DENND2B: variants seen among roughly 807,000 people sequenced by gnomAD.
DENND2B encodes DENN domain containing 2B.
A neutral mutation model predicts 116.0 loss-of-function variants in DENND2B; 32 were observed. That is an observed-to-expected ratio of 0.28 (90% confidence interval 0.21 to 0.37). The LOEUF (loss-of-function observed/expected upper bound fraction) is 0.37, where lower values mean the gene tolerates loss of function less well. Ranked by LOEUF, DENND2B falls within the 10% of genes least tolerant of loss-of-function variation. DENND2B has a pLI of 1.00. For missense variants in DENND2B, 1,276 were observed against 1,477.7 expected, an observed-to-expected ratio of 0.86 and a Z score of 2.24; for synonymous variants, 588 against 583.9, an observed-to-expected ratio of 1.01 and a Z score of -0.10.
chr11:8,897,332 A>G (rs1225251919), intron 1 of DENND2B, among the ~76,000 whole-genome samples: 1 of 152,170 alleles, frequency 6.6e-6, no homozygotes, highest in African/African-American at 2.4e-5. Context: ...AAATCAAACT[A>G]TTGAACCTTG....
chr11:8,897,867 C>T (rs1345415317), intron 1 of DENND2B, among the ~76,000 whole-genome samples: 1 of 152,132 alleles, frequency 6.6e-6, no homozygotes, highest in Non-Finnish European at 1.5e-5. Flanking sequence ...CTCACTATAA[C>T]CTTGAACTCC....
intron 1 of DENND2B, among the ~76,000 whole-genome samples, chr11:8,906,434 C>T (rs1202695056): frequency 2.0e-5 from 3 of 148,022 alleles, no homozygotes; most frequent in Admixed American, 6.8e-5. Context: ...CTCCTGGCCT[C>T]GTGATCTGCC....
chr11:8,694,256 G>T, intron 19 of DENND2B, 126 bp from the exon 20 acceptor site: 1 of 1,122,422 alleles, frequency 8.9e-7, no homozygotes, highest in Non-Finnish European at 1.3e-6. Flanking sequence ...GATTATAACT[G>T]TGATCTGATC....
At position 8,730,404 on chromosome 11, in the gene DENND2B, G is replaced by A. The variant is rs770815589; in HGVS notation, c.886C>T (p.Pro296Ser). The A allele has an allele frequency of 5.0e-6, 8 of 1,606,626 alleles. No individual in the cohort carries two copies. Among genetic ancestry groups the A allele is most frequent in the South Asian group, 1.1e-5 (1 of 91,080 alleles). The change falls in exon 3 of 20, where the codon CCG (proline) becomes TCG (serine). Residue 296 changes from proline (P) to serine (S), a missense_variant. Physicochemically the swap from Pro to Ser is moderately conservative, Grantham distance 74. Transcript: ENST00000313726. This position sits in a 1 kb window ranked among gnomAD's most constrained non-coding sequence, Gnocchi z 4.1. Reference sequence around the variant, plus strand: ...GGGAGCTGGGGGAGCCCCCGGCCCGGCTGCTCCTTCAGGACCTGTTCAATT... The same window carrying A: ...GGGAGCTGGGGGAGCCCCCGGCCCGACTGCTCCTTCAGGACCTGTTCAATT... Reference protein sequence around the residue: ...QKIEQVLKEQPGRGLPQLPSS... With the variant: ...QKIEQVLKEQSGRGLPQLPSS...
rs528217652 is a variant in DENND2B at position 8,718,944 on chromosome 11, C to T, written c.1478-1052G>A. On this transcript the variant is annotated intron_variant, in intron 4 of 19. Coordinates refer to ENST00000313726, the MANE Select transcript of DENND2B (RefSeq NM_213618.2). ...GGCAGAATCCGTGGGGTGAACAGGT[C>T]CCTGGGGAACTCAGAACACAGCCCT... 1.9e-5 allele frequency: 19 copies of T among 988,382 alleles called. No individual in the cohort carries two copies. In the Admixed American group the frequency reaches 2.3e-4, roughly 12 times the overall value. The allele number at this position is 988,382 out of a possible 1,614,324, so 61.2% of individuals were successfully genotyped here.
chr11:8,773,810 T>C (rs2057273118), intron 1 of DENND2B, among the ~76,000 whole-genome samples: 1 of 152,102 alleles, frequency 6.6e-6, no homozygotes, highest in African/African-American at 2.4e-5. Context: ...AAAAAAAAAT[T>C]AATGGCTTGC....
At chr11:8,830,384 TA>T (rs1466453016) in intron 4 of DENND2B, among the ~76,000 whole-genome samples, 1 of 152,252 alleles carries the variant, frequency 6.6e-6, no homozygotes, top group Non-Finnish European at 1.5e-5. Flanking sequence ...TTCTGAACTA[TA>T]AATGTATCCA....
intron 1 of DENND2B, among the ~76,000 whole-genome samples, chr11:8,909,292 AG>A: frequency 6.6e-6 from 1 of 152,342 alleles, no homozygotes; most frequent in South Asian, 2.1e-4. Flanking sequence ...TGAGCCCAGG[AG>A]GTCGAGGCTG....
At chr11:8,811,240 T>C (rs754491255), upstream of DENND2B, 12 of 398,490 alleles carry the variant, frequency 3.0e-5, no homozygotes, top group Non-Finnish European at 5.3e-5. Context: ...CTGGCCTCTC[T>C]GCTTACCTTG....
At chr11:8,743,893 T>C (rs1394139669) in intron 2 of DENND2B, among the ~76,000 whole-genome samples, 2 of 151,848 alleles carry the variant, frequency 1.3e-5, no homozygotes, top group East Asian at 1.9e-4. Flanking sequence ...ACTACAGGTA[T>C]GCACTACCAT....
intron 3 of DENND2B, among the ~76,000 whole-genome samples, chr11:8,843,565 C>T (rs1016242141): frequency 6.6e-6 from 1 of 152,210 alleles, no homozygotes; most frequent in African/African-American, 2.4e-5. Flanking sequence ...AGGGGTCATT[C>T]TTGGCCTCAC....
intron 4 of DENND2B, among the ~76,000 whole-genome samples, chr11:8,821,005 C>T (rs1224306680): frequency 6.6e-6 from 1 of 151,854 alleles, no homozygotes; most frequent in Middle Eastern, 3.4e-3. Context: ...GCCTTAATTC[C>T]AGCTACTTAG....
intron 1 of DENND2B, among the ~76,000 whole-genome samples, chr11:8,766,094 A>T (rs1414882615): frequency 1.4e-5 from 2 of 143,696 alleles, no homozygotes; most frequent in African/African-American, 5.2e-5. Context: ...TGGACACTGT[A>T]AAAAAAAAAA....
chr11:8,908,021 G>A (rs1029110193), intron 1 of DENND2B, among the ~76,000 whole-genome samples: 1 of 152,192 alleles, frequency 6.6e-6, no homozygotes, highest in African/African-American at 2.4e-5. Flanking sequence ...TGGGCTAACA[G>A]AAGTCTATTT....
chr11:8,901,051 C>A (rs1390027017), intron 1 of DENND2B, among the ~76,000 whole-genome samples: 2 of 151,166 alleles, frequency 1.3e-5, no homozygotes, highest in Non-Finnish European at 3.0e-5. Context: ...ACACCTGGCC[C>A]AAATTTTAAT....
At chr11:8,854,228 G>T (rs550048969) in intron 3 of DENND2B, among the ~76,000 whole-genome samples, 5 of 151,328 alleles carry the variant, frequency 3.3e-5, no homozygotes, top group Non-Finnish European at 7.4e-5. Context: ...TTGAGACAGG[G>T]TCTTGCTCTG....
At position 8,712,305 on chromosome 11, in the gene DENND2B, T is replaced by C. The variant is rs550146899; in HGVS notation, c.2172+246A>G. On this transcript the variant is annotated intron_variant, in intron 9 of 19. Coordinates refer to ENST00000313726, the MANE Select transcript of DENND2B (RefSeq NM_213618.2). This position sits in a 1 kb window ranked among gnomAD's most constrained non-coding sequence, Gnocchi z 4.4. The stretch of plus-strand genomic sequence containing the variant: ...TGAACTGTATGGTATTCAATTGTTC[T>C]GGATTTTATTATAAGCACATTGAGA... 6.6e-6 allele frequency among the ~76,000 whole-genome samples: 1 copy of C among 152,356 alleles called. No homozygotes were observed. The highest frequency in any genetic ancestry group is 2.1e-4 in the South Asian group (1 of 4,826).
At chr11:8,766,476 G>C (rs1283943399) in intron 1 of DENND2B, among the ~76,000 whole-genome samples, 2 of 152,222 alleles carry the variant, frequency 1.3e-5, no homozygotes, top group Non-Finnish European at 2.9e-5. Flanking sequence ...CCGGCCAGCA[G>C]GGGTCTTCCA....
At position 8,707,443 on chromosome 11, in the gene DENND2B, G is replaced by A. The variant is rs2042799056; in HGVS notation, c.2431-218C>T. On this transcript the variant is annotated intron_variant, in intron 12 of 19. Coordinates refer to ENST00000313726, the MANE Select transcript of DENND2B (RefSeq NM_213618.2). The surrounding 1 kb of genome is among the most constrained non-coding windows in gnomAD (Gnocchi z 4.8). ...TAACTGGCCTTGCTTCAGTCCCCAA[G>A]AGCGGAGTAGCTGGGCAAAGGAAAT... is the stretch of plus-strand genomic sequence containing the variant. 6.6e-6 allele frequency among the ~76,000 whole-genome samples: 1 copy of A among 152,244 alleles called. No homozygotes were observed. The highest frequency in any genetic ancestry group is 1.5e-5 in the Non-Finnish European group (1 of 68,054).
Sources: gnomAD v4.1 joint callset for allele counts (sites outside exome capture counted in the v4.1 genomes callset) on GRCh38, gnomAD v4.1.1 for gene constraint, Gnocchi (gnomAD v3.1) non-coding constraint, MANE v1.5 for transcripts, NCBI Gene and HGNC (gene_info 2026-07-23, HGNC 2026-07-21) for gene names.